The following NTRK3 variants were observed in gnomAD, a reference collection of about 807,000 sequenced individuals.
NTRK3 encodes neurotrophic receptor tyrosine kinase 3, also known as NT-3 growth factor receptor.
Under a neutral mutation model 91.7 loss-of-function variants are expected in NTRK3, and 24 were observed. The observed-to-expected ratio is 0.26, with a 90% CI of 0.19 to 0.37. NTRK3 has a LOEUF of 0.37. Ranked by LOEUF, NTRK3 falls within the 10% of genes least tolerant of loss-of-function variation. The pLI is 1.00. For synonymous variants in NTRK3, 483 were observed against 404.0 expected (o/e 1.20, Z -2.34); for missense variants, 880 against 1,068.9 (o/e 0.82, Z 2.46).
At chr15:87,872,129 G>A in exon 19 of NTRK3, 1 of 221,326 alleles carries the variant, frequency 4.5e-6, no homozygotes, top group African/African-American at 2.2e-5. Context: ...CCCTACCAAA[G>A]CAGACAATAG....
At chr15:87,886,697 T>TATATATATATATATATAC (rs1335887821) in intron 17 of NTRK3, among the ~76,000 whole-genome samples, 2,926 of 135,462 alleles carry the variant, frequency 0.022, 40 homozygotes, top group Non-Finnish European at 0.033. Context: ...TATATATATA[T>TATATATATATATATATAC]ATACATATAT....
At chr15:88,246,154 T>C (rs2052795044) in intron 3 of NTRK3, among the ~76,000 whole-genome samples, 1 of 152,222 alleles carries the variant, frequency 6.6e-6, no homozygotes, top group Non-Finnish European at 1.5e-5. Context: ...GACACTCATT[T>C]GTGCATGGAA....
At chr15:88,010,709 T>C (rs745994321) in intron 14 of NTRK3, among the ~76,000 whole-genome samples, 1 of 152,008 alleles carries the variant, frequency 6.6e-6, no homozygotes, top group African/African-American at 2.4e-5. Context: ...TTGCTAAATG[T>C]ATTTTTACCT....
chr15:88,217,948 G>A (rs913464323), intron 3 of NTRK3, among the ~76,000 whole-genome samples: 8 of 152,072 alleles, frequency 5.3e-5, no homozygotes, highest in African/African-American at 7.2e-5. Flanking sequence ...TTTTAATAGA[G>A]ACGGGGTTTC....
Position 88,240,269 on chromosome 15 carries a change from CT to C in NTRK3, c.248+15636del, listed in dbSNP as rs2052215647. On this transcript the variant is annotated intron_variant, in intron 3 of 18. Coordinates refer to ENST00000394480, the Ensembl canonical transcript of NTRK3. This position sits in a 1 kb window ranked among gnomAD's most constrained non-coding sequence, Gnocchi z 4.9. ...CTCAAAGATCACCTAGTCCAGCCCCCTGATTTTAAATATAAGAAAACTGAGA... is the reference window on the plus strand; with the variant it reads ...CTCAAAGATCACCTAGTCCAGCCCCCGATTTTAAATATAAGAAAACTGAGA... 6.6e-6 allele frequency among the ~76,000 whole-genome samples: 1 copy of C among 152,112 alleles called. No individual in the cohort carries two copies. The highest frequency in any genetic ancestry group is 2.4e-5 in the African/African-American group (1 of 41,412).
chr15:87,969,324 A>G (rs1181910888), intron 14 of NTRK3, among the ~76,000 whole-genome samples: 4 of 152,228 alleles, frequency 2.6e-5, no homozygotes, highest in Non-Finnish European at 5.9e-5. Context: ...CTTTAAGGGA[A>G]AGAGGTAACT....
At chr15:88,072,004 C>CT (rs374364707) in intron 13 of NTRK3, among the ~76,000 whole-genome samples, 1,765 of 132,640 alleles carry the variant, frequency 0.013, 20 homozygotes, top group African/African-American at 0.028. Flanking sequence ...AATCAAACAT[C>CT]TTTTTTTTTT....
At chr15:88,189,106 C>T (rs1266568707) in intron 3 of NTRK3, among the ~76,000 whole-genome samples, 9 of 152,138 alleles carry the variant, frequency 5.9e-5, no homozygotes, top group Admixed American at 5.9e-4. Flanking sequence ...AGGGCAGGAA[C>T]TCAAAAACCT....
At chr15:88,250,155 G>T (rs1028569111) in intron 3 of NTRK3, among the ~76,000 whole-genome samples, 2 of 152,060 alleles carry the variant, frequency 1.3e-5, no homozygotes, top group African/African-American at 4.8e-5. Flanking sequence ...CCTCTCTCAG[G>T]CGTAGTCCTA....
At chr15:88,072,365 G>A (rs567207257) in intron 13 of NTRK3, 25 of 199,792 alleles carry the variant, frequency 1.3e-4, no homozygotes, top group South Asian at 7.7e-4. Flanking sequence ...GAGTGACGCA[G>A]ACCAGCTCAG....
intron 5 of NTRK3, among the ~76,000 whole-genome samples, chr15:88,160,111 G>A (rs556144659): frequency 1.3e-5 from 2 of 152,170 alleles, no homozygotes; most frequent in Non-Finnish European, 2.9e-5. Context: ...AGAGAGCAGA[G>A]GAGAAAACAG....
chr15:88,207,988 C>T (rs1478400954), intron 3 of NTRK3, among the ~76,000 whole-genome samples: 1 of 152,166 alleles, frequency 6.6e-6, no homozygotes, highest in Non-Finnish European at 1.5e-5. Context: ...GTGTGTGGAT[C>T]CCAAAGGCAT....
intron 13 of NTRK3, among the ~76,000 whole-genome samples, chr15:88,055,848 C>A (rs1312039468): frequency 6.6e-6 from 1 of 152,122 alleles, no homozygotes; most frequent in Non-Finnish European, 1.5e-5. Flanking sequence ...CGTTTTCCTC[C>A]CCTAGCAGCT....
intron 14 of NTRK3, among the ~76,000 whole-genome samples, chr15:88,026,085 C>A (rs1293196850): frequency 6.6e-6 from 1 of 152,156 alleles, no homozygotes; most frequent in Non-Finnish European, 1.5e-5. Context: ...TCCTTGCTAA[C>A]ACGGTGAAAC....
intron 3 of NTRK3, among the ~76,000 whole-genome samples, chr15:88,211,414 T>C (rs1006227435): frequency 2.4e-4 from 37 of 152,256 alleles, no homozygotes; most frequent in African/African-American, 8.9e-4. Flanking sequence ...CATCAGATGA[T>C]GGACATTTTG....
At chr15:88,162,332 C>T (rs979885141) in intron 5 of NTRK3, among the ~76,000 whole-genome samples, 3 of 152,138 alleles carry the variant, frequency 2.0e-5, no homozygotes, top group African/African-American at 7.2e-5. Context: ...CATACGGATG[C>T]CCCACACAGT....
At chr15:88,164,841 A>G (rs555473399) in intron 5 of NTRK3, among the ~76,000 whole-genome samples, 1 of 152,312 alleles carries the variant, frequency 6.6e-6, no homozygotes, top group African/African-American at 2.4e-5. Flanking sequence ...TGTAATTTAT[A>G]CCATGCAGTC....
intron 14 of NTRK3, among the ~76,000 whole-genome samples, chr15:87,997,670 T>C (rs1369310707): frequency 6.6e-6 from 1 of 152,210 alleles, no homozygotes; most frequent in Admixed American, 6.5e-5. Flanking sequence ...ATACTTTTGA[T>C]GGATATGTGT....
chr15:88,128,188 T>C (rs2053485609), intron 11 of NTRK3, among the ~76,000 whole-genome samples: 1 of 152,202 alleles, frequency 6.6e-6, no homozygotes, highest in African/African-American at 2.4e-5. Flanking sequence ...TTTAGGATTG[T>C]CTAGCCCTAG....
Sources: allele counts gnomAD v4.1 joint callset (sites outside exome capture counted in the v4.1 genomes callset), GRCh38; gene constraint gnomAD v4.1.1; non-coding constraint Gnocchi (gnomAD v3.1); transcripts MANE v1.5; gene names NCBI Gene and HGNC (gene_info 2026-07-23, HGNC 2026-07-21).